Variants in SCAPER observed in about 807,000 individuals in gnomAD.
SCAPER encodes S-phase cyclin A associated protein in the ER.
In SCAPER, 98 loss-of-function variants were observed where a neutral mutation model predicts 182.2. That is an observed-to-expected ratio of 0.54 (90% CI 0.46 to 0.64). SCAPER has a LOEUF of 0.64. Among genes scored for constraint, SCAPER ranks in the 30% least tolerant of loss-of-function variants. The pLI, the probability that SCAPER is intolerant of heterozygous loss-of-function variation, is 0.00. For missense variants in SCAPER, 1,432 were observed against 1,690.0 expected, an observed-to-expected ratio of 0.85 and a Z score of 2.68; for synonymous variants, 605 against 564.6, an observed-to-expected ratio of 1.07 and a Z score of -1.01.
At chr15:76,816,260 T>C (rs571249529) in intron 5 of SCAPER, among the ~76,000 whole-genome samples, 2 of 152,362 alleles carry the variant, frequency 1.3e-5, no homozygotes, top group African/African-American at 2.4e-5. Context: ...TTTTAAACTC[T>C]GACATTTGTA....
chr15:76,824,572 C>T (rs1277425269), intron 5 of SCAPER, among the ~76,000 whole-genome samples: 1 of 152,088 alleles, frequency 6.6e-6, no homozygotes, highest in Non-Finnish European at 1.5e-5. Context: ...TTTCTTAAAA[C>T]ATTATTTTTT....
At chr15:76,415,795 G>C in intron 26 of SCAPER, among the ~76,000 whole-genome samples, 1 of 152,144 alleles carries the variant, frequency 6.6e-6, no homozygotes, top group Non-Finnish European at 1.5e-5. Context: ...AGATAGGGAA[G>C]GGGAGGGGGA....
At chr15:76,772,413 A>C (rs566850103) in intron 9 of SCAPER, among the ~76,000 whole-genome samples, 1 of 152,018 alleles carries the variant, frequency 6.6e-6, no homozygotes, top group Non-Finnish European at 1.5e-5. Context: ...CAATTTTTAC[A>C]ACAATATATT....
intron 21 of SCAPER, among the ~76,000 whole-genome samples, chr15:76,650,118 A>G (rs1001326080): frequency 1.3e-5 from 2 of 152,156 alleles, no homozygotes; most frequent in African/African-American, 4.8e-5. Context: ...AAATACTATA[A>G]TATTATTTGA....
intron 21 of SCAPER, among the ~76,000 whole-genome samples, chr15:76,638,760 G>C (rs1487390881): frequency 6.6e-6 from 1 of 152,120 alleles, no homozygotes; most frequent in African/African-American, 2.4e-5. Context: ...GGTCATTGCT[G>C]TATTTTAAAA....
At chr15:76,466,562 C>A (rs1429354022) in intron 25 of SCAPER, among the ~76,000 whole-genome samples, 1 of 149,862 alleles carries the variant, frequency 6.7e-6, no homozygotes, top group African/African-American at 2.5e-5. Flanking sequence ...GTCTTTGTTT[C>A]TTTAGGATTG....
chr15:76,641,851 C>T (rs768368926), intron 21 of SCAPER, among the ~76,000 whole-genome samples: 1 of 152,190 alleles, frequency 6.6e-6, no homozygotes, highest in Non-Finnish European at 1.5e-5. Context: ...TGATCATCAT[C>T]ATTATCATCA....
chr15:76,612,606 C>G (rs2051104192), intron 22 of SCAPER, among the ~76,000 whole-genome samples: 1 of 152,140 alleles, frequency 6.6e-6, no homozygotes, highest in Non-Finnish European at 1.5e-5. Flanking sequence ...GTGCAAAAAT[C>G]ACTGGCATTC....
chr15:76,372,372 C>T (rs1231583720), intron 29 of SCAPER, among the ~76,000 whole-genome samples: 3 of 152,150 alleles, frequency 2.0e-5, no homozygotes, highest in Admixed American at 6.5e-5. Context: ...CCCAGCATTC[C>T]CAGTCATCAC....
chr15:76,810,553 AC>A (rs2066519880), intron 5 of SCAPER, among the ~76,000 whole-genome samples: 19 of 53,708 alleles, frequency 3.5e-4, no homozygotes, highest in African/African-American at 8.2e-4. Context: ...AAAAAAAACC[AC>A]ACACACACAC....
At chr15:76,749,112 A>G (rs2061958042) in intron 15 of SCAPER, among the ~76,000 whole-genome samples, 2 of 152,104 alleles carry the variant, frequency 1.3e-5, no homozygotes, top group Admixed American at 6.5e-5. Flanking sequence ...AAAAATTCCT[A>G]AAATTTTAGC....
At chr15:76,680,414 A>ATGATG (rs1567781441) in intron 20 of SCAPER, among the ~76,000 whole-genome samples, 12 of 11,620 alleles carry the variant, frequency 1.0e-3, no homozygotes, top group African/African-American at 1.7e-3. Flanking sequence ...TGATGATGAT[A>ATGATG]ATAATAATAA....
rs75660971 is a variant in SCAPER, at chr15:76,610,994, C to T, written c.2711+10770G>A. ...TGAGCAAAAAGAACAGAACTGAAGG[C>T]ATCACACTTCCTGACTTTAAATTAT... On this transcript the variant is annotated intron_variant, in intron 22 of 31. Coordinates refer to ENST00000563290, the MANE Select transcript of SCAPER (RefSeq NM_020843.4). 9.0e-3 allele frequency among the ~76,000 whole-genome samples: 1,372 copies of T among 152,196 alleles called. 22 individuals carry two copies. The highest frequency in any genetic ancestry group is 0.032 in the African/African-American group (1,332 of 41,512).
chr15:76,363,588 T>C (rs1161323034), intron 29 of SCAPER, among the ~76,000 whole-genome samples: 1 of 152,178 alleles, frequency 6.6e-6, no homozygotes, highest in Non-Finnish European at 1.5e-5. Context: ...GAGTCAGAAA[T>C]GTAAATAGTT....
chr15:76,775,008 T>C lies in SCAPER; in HGVS notation c.882A>G (p.Ser294=), dbSNP rs1443616776. ...KVSLATEATR[S]KDDSDKENVC... The stretch of plus-strand genomic sequence containing the variant: ...CATTTTCTTTATCACTGTCATCCTT[T>C]GATCTTGTGGCTTCTGTTGCCAATG... The change falls in exon 9 of 32, where the codon TCA becomes TCG. Residue 294 remains serine, a synonymous_variant. Coordinates refer to ENST00000563290, the MANE Select transcript of SCAPER (RefSeq NM_020843.4). 6.2e-7 allele frequency: 1 copy of C among 1,613,772 alleles called. No homozygotes were observed. Among genetic ancestry groups the C allele is most frequent in the African/African-American group, 1.3e-5 (1 of 74,938 alleles).
intron 5 of SCAPER, among the ~76,000 whole-genome samples, chr15:76,826,872 T>C (rs889376143): frequency 1.3e-5 from 2 of 152,312 alleles, no homozygotes; most frequent in East Asian, 3.9e-4. Context: ...ACACATAATT[T>C]AGTTTTACAG....
At position 76,577,119 on chromosome 15, in the gene SCAPER, T is replaced by A. The variant is rs186634383; in HGVS notation, c.2712-2835A>T. ...GCTCACAACTCTGGTACAGACTCCG[T>A]CCCTATGCTTGAGGAGAGGGGAGGG... On this transcript the variant is annotated intron_variant, in intron 22 of 31. Transcript: ENST00000563290. 9.2e-5 allele frequency: 14 copies of A among 152,240 alleles called. No individual in the cohort carries two copies. The East Asian group carries it at 2.5e-3, about 27-fold the overall frequency. The allele number at this position is 152,240 out of a possible 1,614,324, so 9.4% of individuals were successfully genotyped here.
intron 22 of SCAPER, among the ~76,000 whole-genome samples, chr15:76,592,035 C>T (rs961252761): frequency 8.5e-5 from 13 of 152,120 alleles, no homozygotes; most frequent in South Asian, 2.1e-4. Flanking sequence ...ACACTACCCT[C>T]GGCAACAGAG....
At chr15:76,421,329 G>A (rs1249666522) in intron 26 of SCAPER, among the ~76,000 whole-genome samples, 1 of 152,156 alleles carries the variant, frequency 6.6e-6, no homozygotes, top group Non-Finnish European at 1.5e-5. Flanking sequence ...GGTGTGAGAT[G>A]GTATCTCATT....
Sources: allele counts gnomAD v4.1 joint callset (sites outside exome capture counted in the v4.1 genomes callset), GRCh38; gene constraint gnomAD v4.1.1; transcripts MANE v1.5; gene names NCBI Gene and HGNC (gene_info 2026-07-23, HGNC 2026-07-21).